MNAT1: variants seen among roughly 807,000 people sequenced by gnomAD.
The protein encoded by MNAT1 is MNAT1 component of CDK activating kinase.
A neutral mutation model predicts 42.0 loss-of-function variants in MNAT1; 43 were observed. That is an observed-to-expected ratio of 1.02 (90% CI 0.80 to 1.32). MNAT1 has a LOEUF of 1.32. Ranked by LOEUF, MNAT1 falls within the 40% of genes most tolerant of loss-of-function variation. MNAT1 has a pLI of 0.00. For synonymous variants in MNAT1, 118 were observed against 120.0 expected, an observed-to-expected ratio of 0.98 and a Z score of 0.11; for missense variants, 306 against 350.4, an observed-to-expected ratio of 0.87 and a Z score of 1.01.
chr14:60,931,708 T>C (rs959329364), intron 7 of MNAT1, among the ~76,000 whole-genome samples: 7 of 152,190 alleles, frequency 4.6e-5, no homozygotes, highest in Non-Finnish European at 7.4e-5. Flanking sequence ...TTAGTCAGTG[T>C]GGGAGAATAG....
chr14:60,887,149 G>C (rs184762611), intron 7 of MNAT1, among the ~76,000 whole-genome samples: 7 of 151,978 alleles, frequency 4.6e-5, no homozygotes, highest in Admixed American at 1.3e-4. Flanking sequence ...CTATTGATGA[G>C]TTGTATAACA....
intron 7 of MNAT1, among the ~76,000 whole-genome samples, chr14:60,906,701 T>C (rs1381989230): frequency 6.6e-6 from 1 of 152,196 alleles, no homozygotes; most frequent in Non-Finnish European, 1.5e-5. Context: ...TAGAGATTTT[T>C]TAAAATAATA....
intron 7 of MNAT1, among the ~76,000 whole-genome samples, chr14:60,949,139 G>T (rs569552197): frequency 1.1e-3 from 165 of 151,884 alleles, no homozygotes; most frequent in Non-Finnish European, 1.9e-3. Context: ...AATTATTTTT[G>T]TTCCATAAAA....
chr14:60,924,376 G>A (rs560481879), intron 7 of MNAT1, among the ~76,000 whole-genome samples: 94 of 87,244 alleles, frequency 1.1e-3, no homozygotes, highest in African/African-American at 2.9e-3. Flanking sequence ...CAAATTCAGT[G>A]CCTGTTTAAA....
intron 7 of MNAT1, among the ~76,000 whole-genome samples, chr14:60,954,826 C>A (rs962556119): frequency 6.6e-6 from 1 of 152,080 alleles, no homozygotes; most frequent in African/African-American, 2.4e-5. Flanking sequence ...CAACTTTTAA[C>A]AGTTTAGTGT....
At chr14:60,960,998 T>C (rs895031488) in intron 7 of MNAT1, among the ~76,000 whole-genome samples, 1 of 152,176 alleles carries the variant, frequency 6.6e-6, no homozygotes, top group African/African-American at 2.4e-5. Context: ...GTGTTGCTCT[T>C]GTTGCCCAGG....
chr14:60,877,555 CA>C (rs771341501), intron 6 of MNAT1, among the ~76,000 whole-genome samples: 6 of 151,474 alleles, frequency 4.0e-5, no homozygotes, highest in South Asian at 2.1e-4. Flanking sequence ...GATGTAGCAA[CA>C]AAAAAATTTA....
At chr14:60,820,069 CTTTG>C (rs1381474933) in intron 6 of MNAT1, among the ~76,000 whole-genome samples, 1 of 151,974 alleles carries the variant, frequency 6.6e-6, no homozygotes, top group Non-Finnish European at 1.5e-5. Context: ...GTTGCAGAAT[CTTTG>C]TTTGGCTTTT....
intron 7 of MNAT1, among the ~76,000 whole-genome samples, chr14:60,950,446 T>G (rs1265822966): frequency 6.6e-6 from 1 of 152,200 alleles, no homozygotes; most frequent in Non-Finnish European, 1.5e-5. Flanking sequence ...AGACGTTTTC[T>G]AATTTCCAGG....
At chr14:60,820,896 C>G (rs765283038) in intron 6 of MNAT1, among the ~76,000 whole-genome samples, 4 of 152,068 alleles carry the variant, frequency 2.6e-5, no homozygotes, top group Admixed American at 1.3e-4. Flanking sequence ...ACTTTCTCAC[C>G]TCTGAGAAAG....
At chr14:60,857,276 G>T (rs2033984641) in intron 6 of MNAT1, among the ~76,000 whole-genome samples, 1 of 152,224 alleles carries the variant, frequency 6.6e-6, no homozygotes, top group Non-Finnish European at 1.5e-5. Flanking sequence ...TTCGGAAGAA[G>T]TTAATTCCAA....
intron 6 of MNAT1, among the ~76,000 whole-genome samples, chr14:60,837,080 C>A (rs775901261): frequency 4.5e-4 from 68 of 152,186 alleles, no homozygotes; most frequent in Non-Finnish European, 7.6e-4. Context: ...CCCCACCAAG[C>A]TCAAGTGTCC....
intron 7 of MNAT1, among the ~76,000 whole-genome samples, chr14:60,933,939 A>G (rs972325351): frequency 6.6e-6 from 1 of 152,184 alleles, no homozygotes; most frequent in Non-Finnish European, 1.5e-5. Flanking sequence ...ATCTCTAAAT[A>G]TGTTTAGTTT....
intron 1 of MNAT1, among the ~76,000 whole-genome samples, chr14:60,758,893 C>T (rs897950492): frequency 6.6e-6 from 1 of 152,012 alleles, no homozygotes; most frequent in African/African-American, 2.4e-5. Flanking sequence ...AAAGTATATG[C>T]CTTCCTAATT....
At chr14:60,893,358 T>A (rs577930359) in intron 7 of MNAT1, among the ~76,000 whole-genome samples, 3 of 152,236 alleles carry the variant, frequency 2.0e-5, no homozygotes, top group East Asian at 3.9e-4. Context: ...TTCCATTAGA[T>A]CCTTTAAGTT....
At chr14:60,854,570 C>G (rs1442041997) in intron 6 of MNAT1, among the ~76,000 whole-genome samples, 1 of 152,162 alleles carries the variant, frequency 6.6e-6, no homozygotes, top group African/African-American at 2.4e-5. Flanking sequence ...TTCGGCAGGT[C>G]TGCTGCAGTT....
intron 7 of MNAT1, among the ~76,000 whole-genome samples, chr14:60,947,999 A>G (rs1362266147): frequency 6.6e-6 from 1 of 152,124 alleles, no homozygotes; most frequent in East Asian, 1.9e-4. Flanking sequence ...GGCCCTCATA[A>G]TCTTTTCTCT....
Position 60,865,192 on chromosome 14 carries a change from A to G in MNAT1, c.688-14522A>G, listed in dbSNP as rs76064540. 2.8e-3 allele frequency among the ~76,000 whole-genome samples: 432 copies of G among 152,126 alleles called. 2 individuals are homozygous for G. Among genetic ancestry groups the G allele is most frequent in the Non-Finnish European group, 3.2e-3 (218 of 67,916 alleles). ...AGAAACTTCTATCTTTTCACGGAAAAATATTTCTGCTTTAGAAGACTACTA... is the reference window on the plus strand; with the variant it reads ...AGAAACTTCTATCTTTTCACGGAAAGATATTTCTGCTTTAGAAGACTACTA... On this transcript the variant is annotated intron_variant, in intron 6 of 7. Transcript: ENST00000261245.
At position 60,740,154 on chromosome 14, in the gene MNAT1, T is replaced by A. The variant is rs899209728; in HGVS notation, c.89+5203T>A. ...TAGGCTACAGAGCAAGACTCCATCTTAAAAAAAAATTAATTTCTATCCCAA... is the reference window on the plus strand; with the variant it reads ...TAGGCTACAGAGCAAGACTCCATCTAAAAAAAAAATTAATTTCTATCCCAA... On this transcript the variant is annotated intron_variant, in intron 1 of 7. Coordinates refer to ENST00000261245, the MANE Select transcript of MNAT1 (RefSeq NM_002431.4). This position sits in a 1 kb window ranked among gnomAD's most constrained non-coding sequence, Gnocchi z 4.1. 6.6e-6 allele frequency among the ~76,000 whole-genome samples: 1 copy of A among 151,508 alleles called. No homozygotes were observed. The highest frequency in any genetic ancestry group is 2.4e-5 in the African/African-American group (1 of 41,272).
Sources: gnomAD v4.1 joint callset for allele counts (sites outside exome capture counted in the v4.1 genomes callset) on GRCh38, gnomAD v4.1.1 for gene constraint, Gnocchi (gnomAD v3.1) non-coding constraint, MANE v1.5 for transcripts, NCBI Gene and HGNC (gene_info 2026-07-23, HGNC 2026-07-21) for gene names.